Variants in LRRC1 observed in about 807,000 individuals in gnomAD.
The protein encoded by LRRC1 is leucine rich repeat containing 1.
LRRC1 carries 28 observed loss-of-function variants against 69.9 expected under a neutral mutation model. That is an observed-to-expected ratio of 0.40 (90% confidence interval 0.30 to 0.55). The LOEUF is 0.55. LRRC1 is among the 20% of genes least tolerant of loss of function. The pLI, the probability that LRRC1 is intolerant of heterozygous loss-of-function variation, is 0.47. For synonymous variants in LRRC1, 236 were observed against 240.2 expected, an observed-to-expected ratio of 0.98 and a Z score of 0.16; for missense variants, 498 against 609.0, an observed-to-expected ratio of 0.82 and a Z score of 1.92.
At chr6:53,874,535 A>G (rs923818724) in intron 2 of LRRC1, among the ~76,000 whole-genome samples, 1 of 152,168 alleles carries the variant, frequency 6.6e-6, no homozygotes, top group Non-Finnish European at 1.5e-5. Flanking sequence ...GTGTGAGGAA[A>G]ATGTTAGCAT....
intron 1 of LRRC1, among the ~76,000 whole-genome samples, chr6:53,817,843 T>C (rs1764996039): frequency 6.6e-6 from 1 of 152,196 alleles, no homozygotes. Flanking sequence ...ACTACAGTAA[T>C]GTAGGTACTA....
intron 5 of LRRC1, 114 bp downstream of exon 5, chr6:53,896,668 G>C (rs1405959300): frequency 9.2e-7 from 1 of 1,090,578 alleles, no homozygotes; most frequent in African/African-American, 1.6e-5. Flanking sequence ...AAGTTTGGGG[G>C]ATGCCAGCCG....
At chr6:53,811,524 A>G (rs553311255) in intron 1 of LRRC1, among the ~76,000 whole-genome samples, 54 of 152,334 alleles carry the variant, frequency 3.5e-4, no homozygotes, top group Non-Finnish European at 1.5e-5. Context: ...CTCAAAAGAG[A>G]AGGCCTGAGC....
intron 2 of LRRC1, among the ~76,000 whole-genome samples, chr6:53,852,464 C>T (rs9349683): frequency 0.37 from 56,458 of 152,046 alleles, 10,964 homozygotes; most frequent in East Asian, 0.64. Flanking sequence ...ATATGCCAGC[C>T]ATTGTCCTGC....
chr6:53,880,712 T>G (rs1022177395), intron 3 of LRRC1, among the ~76,000 whole-genome samples: 17 of 152,222 alleles, frequency 1.1e-4, no homozygotes, highest in African/African-American at 4.1e-4. Context: ...TTCATAACAC[T>G]TGAAATTTAC....
At chr6:53,826,462 T>G (rs1765260481) in intron 1 of LRRC1, among the ~76,000 whole-genome samples, 1 of 152,154 alleles carries the variant, frequency 6.6e-6, no homozygotes, top group Non-Finnish European at 1.5e-5. Context: ...TATTAAAAGC[T>G]TGTATTTGAT....
At position 53,920,646 on chromosome 6, in the gene LRRC1, C is replaced by G. The variant is rs199539318; in HGVS notation, c.1301C>G (p.Ala434Gly). The G allele has an allele frequency of 1.6e-4, 263 of 1,614,178 alleles. 2 individuals carry two copies. In the East Asian group the frequency reaches 4.3e-3, roughly 27 times the overall value. ...GCAGAGAATCTGCCTCGCTGTGGTGCACTGGAGAACTTGGTAAATGATGTC... is the reference window on the plus strand; with the variant it reads ...GCAGAGAATCTGCCTCGCTGTGGTGGACTGGAGAACTTGGTAAATGATGTC... Reference protein sequence around the residue: ...TCQENLPRCGALENLVNDVSD... With the variant: ...TCQENLPRCGGLENLVNDVSD... Residue 434 changes from alanine (A) to glycine (G), a missense_variant, in exon 13 of 14, where the codon GCA becomes GGA. Physicochemically the swap from Ala to Gly is moderately conservative, Grantham distance 60. Coordinates refer to ENST00000370888, the MANE Select transcript of LRRC1 (RefSeq NM_018214.5).
At chr6:53,868,779 T>TA (rs2127426086) in intron 2 of LRRC1, among the ~76,000 whole-genome samples, 1 of 152,326 alleles carries the variant, frequency 6.6e-6, no homozygotes. Flanking sequence ...TCTCTCCAGA[T>TA]ACTCTCATTT....
intron 10 of LRRC1, among the ~76,000 whole-genome samples, chr6:53,907,235 TACATATCTAAACTG>T (rs1768271099): frequency 6.6e-6 from 1 of 152,234 alleles, no homozygotes; most frequent in South Asian, 2.1e-4. Context: ...TTAAGTTGCA[TACATATCTAAACTG>T]AAATGCTGAC....
Position 53,805,572 on chromosome 6 carries a change from C to T in LRRC1, c.159+10157C>T, listed in dbSNP as rs555862800. 1.4e-4 allele frequency among the ~76,000 whole-genome samples: 22 copies of T among 152,284 alleles called. No individual in the cohort carries two copies. In the South Asian group the frequency reaches 2.5e-3, roughly 17 times the overall value. The stretch of plus-strand genomic sequence containing the variant: ...TAGGAGATTGTCCTCTTCATGGTGA[C>T]ACCTTGGATAGGTAACTAGTCTTTC... On this transcript the variant is annotated intron_variant, in intron 1 of 13. Coordinates refer to ENST00000370888, the MANE Select transcript of LRRC1 (RefSeq NM_018214.5).
intron 1 of LRRC1, among the ~76,000 whole-genome samples, chr6:53,801,502 C>A (rs1434504194): frequency 1.3e-5 from 2 of 152,042 alleles, no homozygotes. Flanking sequence ...GGAATATTTC[C>A]CCTTTATAGT....
chr6:53,810,320 T>G (rs900756182), intron 1 of LRRC1, among the ~76,000 whole-genome samples: 18 of 152,320 alleles, frequency 1.2e-4, no homozygotes, highest in African/African-American at 4.3e-4. Flanking sequence ...TTTCAAAGTA[T>G]TCTTAAAAAA....
At chr6:53,828,925 C>T (rs1193226707) in intron 1 of LRRC1, among the ~76,000 whole-genome samples, 6 of 152,172 alleles carry the variant, frequency 3.9e-5, no homozygotes, top group African/African-American at 4.8e-5. Context: ...TCTTGAAAAG[C>T]TTTAGTAACT....
At chr6:53,807,128 G>C (rs1764654908) in intron 1 of LRRC1, among the ~76,000 whole-genome samples, 1 of 152,178 alleles carries the variant, frequency 6.6e-6, no homozygotes, top group Non-Finnish European at 1.5e-5. Context: ...TTTGCAAGGA[G>C]TAAGTTAGGA....
At chr6:53,872,747 TTTCTC>T (rs1766932201) in intron 2 of LRRC1, among the ~76,000 whole-genome samples, 1 of 149,668 alleles carries the variant, frequency 6.7e-6, no homozygotes, top group Non-Finnish European at 1.5e-5. Context: ...ACAATTTTCT[TTTCTC>T]TTTTTTTTTT....
intron 2 of LRRC1, among the ~76,000 whole-genome samples, chr6:53,846,991 C>T (rs1285390997): frequency 6.6e-6 from 1 of 152,194 alleles, no homozygotes; most frequent in Non-Finnish European, 1.5e-5. Flanking sequence ...ATTTGACTTA[C>T]ATCACAGTAC....
chr6:53,863,373 T>C (rs1766592663), intron 2 of LRRC1, among the ~76,000 whole-genome samples: 2 of 152,232 alleles, frequency 1.3e-5, no homozygotes, highest in South Asian at 4.1e-4. Context: ...TTGCCTCTTC[T>C]GTGGATGAGT....
intron 10 of LRRC1, among the ~76,000 whole-genome samples, chr6:53,907,707 A>G (rs1183543501): frequency 6.6e-6 from 1 of 151,866 alleles, no homozygotes; most frequent in Non-Finnish European, 1.5e-5. Context: ...TCTTCATTGT[A>G]AAATATTGGA....
At chr6:53,816,669 T>C (rs940465428) in intron 1 of LRRC1, among the ~76,000 whole-genome samples, 5 of 152,194 alleles carry the variant, frequency 3.3e-5, no homozygotes, top group Admixed American at 1.3e-4. Context: ...CAAGGTGTTA[T>C]ATATTTTCTA....
Sources: gnomAD v4.1 joint callset for allele counts (sites outside exome capture counted in the v4.1 genomes callset) on GRCh38, gnomAD v4.1.1 for gene constraint, MANE v1.5 for transcripts, NCBI Gene and HGNC (gene_info 2026-07-23, HGNC 2026-07-21) for gene names.